SLIT2: variants seen among roughly 807,000 people sequenced by gnomAD.
The protein encoded by SLIT2 is slit homolog 2 protein.
A neutral mutation model predicts 185.7 loss-of-function variants in SLIT2; 41 were observed. The ratio of observed to expected loss-of-function variants is 0.22; its 90% CI spans 0.17 to 0.29. SLIT2 has a LOEUF of 0.29. SLIT2 is among the 10% of genes least tolerant of loss of function. The probability of loss-of-function intolerance (pLI) is 1.00; values close to 1 mark genes in which losing one functional copy is unlikely to be tolerated. For synonymous variants in SLIT2, 693 were observed against 680.2 expected (o/e 1.02, Z -0.29); for missense variants, 1,571 against 1,909.0 (o/e 0.82, Z 3.30).
chr4:20,279,740 A>T (rs1255144405), intron 4 of SLIT2, among the ~76,000 whole-genome samples: 1 of 152,222 alleles, frequency 6.6e-6, no homozygotes, highest in African/African-American at 2.4e-5. Context: ...GCATATAATA[A>T]GTGGCATGTA....
intron 4 of SLIT2, among the ~76,000 whole-genome samples, chr4:20,366,245 T>C (rs1723107597): frequency 6.6e-6 from 1 of 152,112 alleles, no homozygotes; most frequent in Admixed American, 6.6e-5. Flanking sequence ...TCTATTTTGC[T>C]CATTCTGAAA....
intron 5 of SLIT2, among the ~76,000 whole-genome samples, chr4:20,472,276 C>CTATATATA (rs373745680): frequency 4.6e-5 from 1 of 21,664 alleles, no homozygotes; most frequent in Admixed American, 9.4e-4. Context: ...AGATATATAT[C>CTATATATA]TATATATATA....
rs923630205 is a variant in SLIT2 at position 20,541,697 on chromosome 4, C to T, written c.2143+78C>T. On this transcript the variant is annotated intron_variant, in intron 20 of 36. Transcript: ENST00000504154. ...GATGCAGCTTTGCACAAATCTACAG[C>T]ATAGTTCAGCTCAGCAAATAATGAT... The T allele has an allele frequency of 3.0e-5, 37 of 1,244,946 alleles. No homozygotes were observed. In the Middle Eastern group the frequency reaches 7.6e-4, roughly 26 times the overall value. The allele number at this position is 1,244,946 out of a possible 1,614,324, so 77.1% of individuals were successfully genotyped here.
At chr4:20,282,648 G>T (rs978497641) in intron 4 of SLIT2, among the ~76,000 whole-genome samples, 4 of 152,198 alleles carry the variant, frequency 2.6e-5, no homozygotes, top group Admixed American at 1.3e-4. Flanking sequence ...GGTGGCTACA[G>T]TGTACACTTG....
chr4:20,466,822 A>G lies in SLIT2; in HGVS notation c.396-930A>G, dbSNP rs73801824. ...TCCTAGAATTTTAAAGATAATTTTA[A>G]TACCATCATTGTTGCTTTAATAATT... On this transcript the variant is annotated intron_variant, in intron 4 of 36. Coordinates refer to ENST00000504154, the MANE Select transcript of SLIT2 (RefSeq NM_004787.4). Among the ~76,000 whole-genome samples, 485 of 152,320 alleles carry G rather than the reference A, an allele frequency of 3.2e-3. 3 individuals are homozygous for G. Among genetic ancestry groups the G allele is most frequent in the African/African-American group, 0.011 (453 of 41,570 alleles).
chr4:20,605,424 A>G (rs1483743630), intron 33 of SLIT2, among the ~76,000 whole-genome samples: 1 of 152,212 alleles, frequency 6.6e-6, no homozygotes, highest in South Asian at 2.1e-4. Context: ...GCGTAGTAAA[A>G]CTAAACCTTA....
chr4:20,348,575 G>T (rs1016938135), intron 4 of SLIT2, among the ~76,000 whole-genome samples: 5 of 152,050 alleles, frequency 3.3e-5, no homozygotes, highest in Admixed American at 6.6e-5. Context: ...CAAGCTTCCA[G>T]ATGATGCCAA....
chr4:20,520,185 A>G (rs532649492), intron 12 of SLIT2, among the ~76,000 whole-genome samples: 1 of 152,306 alleles, frequency 6.6e-6, no homozygotes, highest in East Asian at 1.9e-4. Flanking sequence ...CTAAACCTTT[A>G]GAGAGATAAT....
intron 33 of SLIT2, among the ~76,000 whole-genome samples, chr4:20,606,307 C>G (rs1728794157): frequency 6.6e-6 from 1 of 151,994 alleles, no homozygotes; most frequent in Admixed American, 6.6e-5. Flanking sequence ...ATGGCAATAC[C>G]CTATCTCTAC....
At chr4:20,601,799 T>C (rs980692081) in intron 33 of SLIT2, among the ~76,000 whole-genome samples, 4 of 152,212 alleles carry the variant, frequency 2.6e-5, no homozygotes, top group African/African-American at 9.6e-5. Context: ...CTGGGTGAAG[T>C]ACATTTTCAA....
chr4:20,455,607 A>C (rs1712981611), intron 4 of SLIT2, among the ~76,000 whole-genome samples: 2 of 152,168 alleles, frequency 1.3e-5, no homozygotes, highest in South Asian at 4.1e-4. Context: ...TTGAGCGATA[A>C]AAATAAATGG....
chr4:20,283,004 C>T (rs761568470), intron 4 of SLIT2, among the ~76,000 whole-genome samples: 1 of 152,058 alleles, frequency 6.6e-6, no homozygotes, highest in Non-Finnish European at 1.5e-5. Flanking sequence ...CTGTTGTAGC[C>T]TTGAGAAATA....
intron 4 of SLIT2, among the ~76,000 whole-genome samples, chr4:20,308,825 T>C (rs940958240): frequency 2.6e-5 from 4 of 152,182 alleles, no homozygotes; most frequent in Non-Finnish European, 4.4e-5. Context: ...CATATGTACA[T>C]ACAAACAAAC....
intron 4 of SLIT2, among the ~76,000 whole-genome samples, chr4:20,366,014 A>T (rs1263983479): frequency 6.6e-6 from 1 of 152,170 alleles, no homozygotes; most frequent in East Asian, 1.9e-4. Context: ...TAATTAGTTT[A>T]TCCCATAATT....
At chr4:20,369,914 TTTC>T (rs1369224108) in intron 4 of SLIT2, among the ~76,000 whole-genome samples, 2 of 152,146 alleles carry the variant, frequency 1.3e-5, no homozygotes, top group African/African-American at 4.8e-5. Context: ...GCAAATCCCC[TTTC>T]TTCTTTCCTC....
intron 18 of SLIT2, among the ~76,000 whole-genome samples, chr4:20,534,583 A>G (rs1316924753): frequency 1.3e-5 from 2 of 152,200 alleles, no homozygotes; most frequent in Non-Finnish European, 2.9e-5. Context: ...GAAGAAAGAC[A>G]AACCAAACTC....
At chr4:20,348,390 C>T (rs1307948053) in intron 4 of SLIT2, among the ~76,000 whole-genome samples, 7 of 145,292 alleles carry the variant, frequency 4.8e-5, no homozygotes, top group East Asian at 2.0e-4. Context: ...AGGCATGCAC[C>T]ACCATGCCTG....
chr4:20,505,806 C>T (rs750061881), intron 9 of SLIT2, among the ~76,000 whole-genome samples: 2 of 151,850 alleles, frequency 1.3e-5, no homozygotes, highest in Non-Finnish European at 2.9e-5. Context: ...TTGAAATAGA[C>T]ACCAGAACGT....
intron 4 of SLIT2, among the ~76,000 whole-genome samples, chr4:20,347,653 C>T (rs1721539178): frequency 1.3e-5 from 2 of 152,190 alleles, no homozygotes; most frequent in South Asian, 4.1e-4. Context: ...TCAGGCTTAG[C>T]TAAAAGCCCA....
Sources: allele counts gnomAD v4.1 joint callset (sites outside exome capture counted in the v4.1 genomes callset), GRCh38; gene constraint gnomAD v4.1.1; transcripts MANE v1.5; gene names NCBI Gene and HGNC (gene_info 2026-07-23, HGNC 2026-07-21).